NTN1: variants seen among roughly 807,000 people sequenced by gnomAD.
NTN1 encodes the protein netrin 1.
NTN1 carries 11 observed loss-of-function variants against 54.2 expected under a neutral mutation model. The ratio of observed to expected loss-of-function variants is 0.20; its 90% CI spans 0.13 to 0.34. NTN1 has a LOEUF of 0.34. NTN1 is among the 10% of genes least tolerant of loss of function. The pLI is 1.00. For missense variants in NTN1, 740 were observed against 893.1 expected, an observed-to-expected ratio of 0.83 and a Z score of 2.18; for synonymous variants, 371 against 382.0, an observed-to-expected ratio of 0.97 and a Z score of 0.33.
intron 2 of NTN1, among the ~76,000 whole-genome samples, chr17:9,111,765 G>A (rs186718560): frequency 6.6e-6 from 1 of 152,196 alleles, no homozygotes; most frequent in African/African-American, 2.4e-5. Context: ...TGGGAAAATC[G>A]TAAAGAAAAT....
In NTN1 at chr17:9,179,851, C is replaced by A; in HGVS notation, c.1252C>A (p.Gln418Lys). The A allele has an allele frequency of 1.2e-6, 2 of 1,614,094 alleles. No homozygotes were observed. Among genetic ancestry groups the A allele is most frequent in the South Asian group, 1.1e-5 (1 of 91,064 alleles). The change falls in exon 4 of 7, where the codon CAA becomes AAA. Residue 418 changes from glutamine (Q) to lysine (K), a missense_variant. Coordinates refer to ENST00000173229, the MANE Select transcript of NTN1 (RefSeq NM_004822.3). ...GGGTGCTGCTGGCAAAACCTGCAAC[C>A]AAACCACCGGCCAGTGTCCCTGCAA... ...PVGAAGKTCN[Q>K]TTGQCPCKDG...
the NTN1 span, among the ~76,000 whole-genome samples, chr17:9,015,666 G>T: frequency 2.0e-5 from 3 of 151,990 alleles, no homozygotes; most frequent in African/African-American, 7.3e-5. Flanking sequence ...CCTTCTCAGA[G>T]GTGCTGTCCT....
chr17:9,138,913 A>G (rs761556030), intron 2 of NTN1, among the ~76,000 whole-genome samples: 7 of 152,130 alleles, frequency 4.6e-5, no homozygotes, highest in Non-Finnish European at 1.0e-4. Context: ...TGGTTGGGGC[A>G]GTGAGCAGAT....
intron 2 of NTN1, among the ~76,000 whole-genome samples, chr17:9,067,898 C>T (rs986894571): frequency 1.3e-5 from 2 of 152,162 alleles, no homozygotes; most frequent in Non-Finnish European, 1.5e-5. Context: ...ACACATTAGC[C>T]TCTGCCTCCA....
Position 9,063,161 on chromosome 17 carries a change from A to G in NTN1, c.1018+39770A>G, listed in dbSNP as rs191154810. On this transcript the variant is annotated intron_variant, in intron 2 of 6. Transcript: ENST00000173229. Reference sequence around the variant, plus strand: ...GCCTAGGCTGGAGTGCAGTGGCACAATCTTGGCTCACTGCAACCTCCACCT... The same window carrying G: ...GCCTAGGCTGGAGTGCAGTGGCACAGTCTTGGCTCACTGCAACCTCCACCT... Among the ~76,000 whole-genome samples, 1,418 of 151,878 alleles carry G rather than the reference A, an allele frequency of 9.3e-3. 23 individuals carry two copies. Among genetic ancestry groups the G allele is most frequent in the African/African-American group, 0.033 (1,359 of 41,332 alleles).
chr17:9,179,723 G>C, intron 3 of NTN1, 84 bp from the exon 4 acceptor site: 1 of 1,505,256 alleles, frequency 6.6e-7, no homozygotes, highest in Middle Eastern at 1.8e-4. Flanking sequence ...GGTCCATGGA[G>C]GCAGCCCTGG....
intron 3 of NTN1, among the ~76,000 whole-genome samples, chr17:9,164,148 A>G (rs1484047307): frequency 1.3e-5 from 2 of 152,252 alleles, no homozygotes; most frequent in Non-Finnish European, 2.9e-5. Flanking sequence ...TGCAGGGCCC[A>G]GTGCAAAATG....
chr17:9,227,780 CCA>C (rs997498230), intron 6 of NTN1, among the ~76,000 whole-genome samples: 11 of 151,308 alleles, frequency 7.3e-5, no homozygotes, highest in African/African-American at 2.7e-4. Context: ...GGCACACATA[CCA>C]CACACATATC....
intron 2 of NTN1, among the ~76,000 whole-genome samples, chr17:9,120,176 T>C (rs1360212675): frequency 1.3e-5 from 2 of 151,022 alleles, no homozygotes; most frequent in Non-Finnish European, 2.9e-5. Context: ...TCCCAGTTAC[T>C]CAGGAGGCTA....
rs984164785 is a variant in NTN1, at chr17:9,221,607, G to A, written c.1486+365G>A. On this transcript the variant is annotated intron_variant, in intron 6 of 6. Coordinates refer to ENST00000173229, the MANE Select transcript of NTN1 (RefSeq NM_004822.3). This position sits in a 1 kb window ranked among gnomAD's most constrained non-coding sequence, Gnocchi z 4.5. The stretch of plus-strand genomic sequence containing the variant: ...CTGCGGGGATTTGACCCGAGTCCAC[G>A]TGGCTCAAAGGGAAGCTCTCTGGGC... Among the ~76,000 whole-genome samples, 19 of 152,198 alleles carry A rather than the reference G, an allele frequency of 1.2e-4. No homozygotes were observed. Among genetic ancestry groups the A allele is most frequent in the Non-Finnish European group, 2.5e-4 (17 of 68,024 alleles).
chr17:9,158,239 T>G (rs547210942), intron 2 of NTN1, among the ~76,000 whole-genome samples: 47 of 152,210 alleles, frequency 3.1e-4, no homozygotes, highest in African/African-American at 1.1e-3. Flanking sequence ...GGAAGAACCT[T>G]TTGTTGGCGT....
At position 9,231,295 on chromosome 17, in the gene NTN1, C is replaced by CGGGG. The variant is rs35777481; in HGVS notation, c.1487-8340_1487-8337dup. Reference sequence around the variant, plus strand: ...GGCCTCTGAGATACCATGGGGTACCCGGGGGGGGACCCCAGCCTCCCAAGT... The same window carrying CGGGG: ...GGCCTCTGAGATACCATGGGGTACCCGGGGGGGGGGGGACCCCAGCCTCCCAAGT... On this transcript the variant is annotated intron_variant, in intron 6 of 6. Transcript: ENST00000173229. Among the ~76,000 whole-genome samples, 136 of 145,506 alleles carry CGGGG rather than the reference C, an allele frequency of 9.3e-4. 1 individual carries two copies. Among genetic ancestry groups the CGGGG allele is most frequent in the South Asian group, 8.5e-3 (39 of 4,596 alleles).
At chr17:9,026,398 G>GGC (rs898524218) in intron 2 of NTN1, among the ~76,000 whole-genome samples, 4 of 149,540 alleles carry the variant, frequency 2.7e-5, no homozygotes, top group Non-Finnish European at 5.9e-5. Flanking sequence ...TTCCGGGGGG[G>GGC]GGGAACAAAC....
intron 2 of NTN1, among the ~76,000 whole-genome samples, chr17:9,124,564 T>C (rs1458474121): frequency 2.6e-5 from 4 of 152,314 alleles, no homozygotes; most frequent in South Asian, 2.1e-4. Flanking sequence ...GTGATGACGA[T>C]GATGACAGTG....
At chr17:9,128,825 A>T (rs1006166513) in intron 2 of NTN1, among the ~76,000 whole-genome samples, 1 of 152,208 alleles carries the variant, frequency 6.6e-6, no homozygotes, top group Non-Finnish European at 1.5e-5. Context: ...CAGAATCTTC[A>T]TAAGATTTCC....
At chr17:9,009,015 A>T in the NTN1 span, among the ~76,000 whole-genome samples, 3 of 152,174 alleles carry the variant, frequency 2.0e-5, no homozygotes, top group East Asian at 1.9e-4. Flanking sequence ...CACTCCAGCC[A>T]GGGTGACAGA....
intron 2 of NTN1, among the ~76,000 whole-genome samples, chr17:9,047,158 G>A (rs2091943853): frequency 6.6e-6 from 1 of 152,222 alleles, no homozygotes; most frequent in Admixed American, 6.5e-5. Context: ...CCTCGCTGTT[G>A]ATGGCTACTG....
chr17:9,180,155 C>G (rs575982649), intron 4 of NTN1, among the ~76,000 whole-genome samples, 199 bp downstream of exon 4: 1 of 152,374 alleles, frequency 6.6e-6, no homozygotes, highest in East Asian at 1.9e-4. Context: ...TCTCCTGCCT[C>G]AGTCTTCCAA....
chr17:9,231,695 C>A (rs1406692432), intron 6 of NTN1, among the ~76,000 whole-genome samples: 3 of 147,246 alleles, frequency 2.0e-5, no homozygotes, highest in Admixed American at 7.1e-5. Context: ...AGGTTCTCAG[C>A]CGGGCCACTC....
Sources: allele counts gnomAD v4.1 joint callset (sites outside exome capture counted in the v4.1 genomes callset), GRCh38; gene constraint gnomAD v4.1.1; non-coding constraint Gnocchi (gnomAD v3.1); transcripts MANE v1.5; gene names NCBI Gene and HGNC (gene_info 2026-07-23, HGNC 2026-07-21).